ZNHIT6: variants seen among roughly 807,000 people sequenced by gnomAD.
ZNHIT6 encodes zinc finger HIT-type containing 6, also known as box C/D snoRNA protein 1.
Under a neutral mutation model 57.2 loss-of-function variants are expected in ZNHIT6, and 45 were observed. That is an observed-to-expected ratio of 0.79 (90% CI 0.62 to 1.01). The LOEUF (loss-of-function observed/expected upper bound fraction) is 1.01. Among genes scored for constraint, ZNHIT6 ranks in the 50% least tolerant of loss-of-function variants. ZNHIT6 has a pLI of 0.00. For missense variants in ZNHIT6, 528 were observed against 567.3 expected, an observed-to-expected ratio of 0.93 and a Z score of 0.70; for synonymous variants, 188 against 190.0, an observed-to-expected ratio of 0.99 and a Z score of 0.09.
chr1:85,663,675 G>C (rs893322883), intron 8 of ZNHIT6, among the ~76,000 whole-genome samples: 5 of 152,180 alleles, frequency 3.3e-5, no homozygotes, highest in African/African-American at 1.2e-4. Context: ...ACACTGGCTA[G>C]TAATGGTTTT....
chr1:85,703,725 T>C (rs1028683179), intron 4 of ZNHIT6, among the ~76,000 whole-genome samples: 1 of 152,194 alleles, frequency 6.6e-6, no homozygotes, highest in African/African-American at 2.4e-5. Flanking sequence ...AAGGTAGAGA[T>C]GGATTTCTTT....
intron 6 of ZNHIT6, among the ~76,000 whole-genome samples, chr1:85,679,829 T>A (rs554975582): frequency 1.3e-5 from 2 of 152,178 alleles, no homozygotes; most frequent in East Asian, 3.9e-4. Context: ...AGGCAATCCA[T>A]CCGCCTCGAC....
Position 85,653,981 on chromosome 1 carries a change from A to T in ZNHIT6, c.*77T>A. 1 of 1,244,276 alleles carries T rather than the reference A, an allele frequency of 8.0e-7. No individual in the cohort carries two copies. The allele number at this position is 1,244,276 out of a possible 1,614,324, so 77.1% of individuals were successfully genotyped here. A position where few individuals can be genotyped will look rare whatever the true frequency, so the allele number is the denominator to read the frequency against. ...CCAATCACCCATTGACAATACCCCAATCAGCCAACAGCCCATCAATGCAGA... is the reference window on the plus strand; with the variant it reads ...CCAATCACCCATTGACAATACCCCATTCAGCCAACAGCCCATCAATGCAGA... On this transcript the variant is annotated 3_prime_UTR_variant, in exon 10 of 10. Transcript: ENST00000370574.
chr1:85,672,470 T>C (rs879762243), intron 8 of ZNHIT6, among the ~76,000 whole-genome samples: 3 of 152,270 alleles, frequency 2.0e-5, no homozygotes, highest in South Asian at 2.1e-4. Context: ...GTTTATGACA[T>C]ACCATGCCCT....
chr1:85,706,523 TG>T lies in ZNHIT6; in HGVS notation c.657-17del. On this transcript the variant is annotated splice_polypyrimidine_tract_variant and intron_variant, in intron 1 of 9. Transcript: ENST00000370574. ...AGTCTCACACCTACAAAAGCCCACA[TG>T]TAACATTAAATTATCAAATATTAAT... 1 of 1,532,692 alleles carries T rather than the reference TG, an allele frequency of 6.5e-7. No homozygotes were observed. Among genetic ancestry groups the T allele is most frequent in the South Asian group, 1.3e-5 (1 of 75,226 alleles). 94.9% of individuals were successfully genotyped at this position (1,532,692 alleles called of 1,614,324 possible).
chr1:85,662,217 C>A (rs1005835651), intron 8 of ZNHIT6, among the ~76,000 whole-genome samples: 2 of 149,830 alleles, frequency 1.3e-5, no homozygotes, highest in African/African-American at 4.9e-5. Flanking sequence ...AACGAAATCA[C>A]AAACCACTTT....
At chr1:85,694,057 A>C (rs1466023555) in intron 5 of ZNHIT6, among the ~76,000 whole-genome samples, 1 of 152,206 alleles carries the variant, frequency 6.6e-6, no homozygotes, top group Non-Finnish European at 1.5e-5. Flanking sequence ...GTACAGGGGG[A>C]AAAAAGGACA....
intron 5 of ZNHIT6, among the ~76,000 whole-genome samples, chr1:85,689,644 A>C (rs969429051): frequency 2.6e-5 from 4 of 152,206 alleles, no homozygotes; most frequent in African/African-American, 7.2e-5. Context: ...TGAAGACGGA[A>C]ATGAAATGAA....
chr1:85,694,195 C>T (rs1020111363), intron 5 of ZNHIT6, among the ~76,000 whole-genome samples: 33 of 152,240 alleles, frequency 2.2e-4, no homozygotes, highest in South Asian at 1.7e-3. Context: ...AATGTACATA[C>T]TTAAGATTTG....
intron 5 of ZNHIT6, among the ~76,000 whole-genome samples, chr1:85,694,910 T>G (rs1031379656): frequency 2.0e-5 from 3 of 152,142 alleles, no homozygotes; most frequent in African/African-American, 7.2e-5. Context: ...TGGTAATGTT[T>G]TTGATCTTGG....
At chr1:85,677,618 T>G (rs1661742159) in intron 7 of ZNHIT6, among the ~76,000 whole-genome samples, 1 of 152,226 alleles carries the variant, frequency 6.6e-6, no homozygotes, top group Admixed American at 6.5e-5. Flanking sequence ...CTAATGATAA[T>G]AACTAGGTTA....
At chr1:85,674,511 AAT>A (rs1408590833) in intron 8 of ZNHIT6, among the ~76,000 whole-genome samples, 1 of 152,108 alleles carries the variant, frequency 6.6e-6, no homozygotes, top group Non-Finnish European at 1.5e-5. Context: ...TTACTTTATT[AAT>A]CTACTATTCC....
intron 9 of ZNHIT6, 41 bp from the exon 10 acceptor site, chr1:85,654,139 T>G (rs945223647): frequency 6.3e-7 from 1 of 1,584,046 alleles, no homozygotes; most frequent in African/African-American, 1.4e-5. Context: ...GTGTTTATAT[T>G]TTTCTGTTTA....
rs367741916 is a variant in ZNHIT6, at chr1:85,657,841, A to G, written c.1372+6T>C. On this transcript the variant is annotated splice_donor_region_variant and intron_variant, in intron 9 of 9. Coordinates refer to ENST00000370574, the MANE Select transcript of ZNHIT6 (RefSeq NM_017953.4). ...CTAAGCATTACAGAAACAAATTTACACTTACCTTGGTGAAGAACTTTCATG... is the reference window on the plus strand; with the variant it reads ...CTAAGCATTACAGAAACAAATTTACGCTTACCTTGGTGAAGAACTTTCATG... The G allele has an allele frequency of 5.1e-4, 827 of 1,606,028 alleles. 2 individuals are homozygous for G. The highest frequency in any genetic ancestry group is 6.5e-4 in the Non-Finnish European group (763 of 1,177,456).
rs1660899464 is a variant in ZNHIT6 at position 85,651,265 on chromosome 1, C to G, written c.*2793G>C. ...TTTTTTTTTGAGGCAGAGTCTCATTCTGTCACCCAGGCAGTGCCCAGGAAT... is the reference window on the plus strand; with the variant it reads ...TTTTTTTTTGAGGCAGAGTCTCATTGTGTCACCCAGGCAGTGCCCAGGAAT... On this transcript the variant is annotated 3_prime_UTR_variant, in exon 10 of 10. Coordinates refer to ENST00000370574, the MANE Select transcript of ZNHIT6 (RefSeq NM_017953.4). 6.6e-6 allele frequency: 1 copy of G among 151,218 alleles called. No homozygotes were observed. The highest frequency in any genetic ancestry group is 1.5e-5 in the Non-Finnish European group (1 of 67,886). The allele number at this position is 151,218 out of a possible 1,614,324, so 9.4% of individuals were successfully genotyped here. A position where few individuals can be genotyped will look rare whatever the true frequency, so the allele number is the denominator to read the frequency against.
intron 1 of ZNHIT6, among the ~76,000 whole-genome samples, chr1:85,706,766 A>G (rs1662696723): frequency 1.3e-5 from 2 of 152,228 alleles, no homozygotes; most frequent in Non-Finnish European, 1.5e-5. Context: ...TTTTTCTACT[A>G]TAATCAGGGA....
intron 9 of ZNHIT6, among the ~76,000 whole-genome samples, chr1:85,657,519 G>A (rs998888507): frequency 6.8e-6 from 1 of 146,932 alleles, no homozygotes; most frequent in Non-Finnish European, 1.5e-5. Context: ...TGGAGTAAAT[G>A]TACGTGATCA....
intron 9 of ZNHIT6, among the ~76,000 whole-genome samples, 179 bp from the exon 10 acceptor site, chr1:85,654,277 T>C (rs191024282): frequency 6.6e-6 from 1 of 152,230 alleles, no homozygotes; most frequent in East Asian, 1.9e-4. Flanking sequence ...AATAGAGAAA[T>C]GATGTCTGAA....
intron 6 of ZNHIT6, among the ~76,000 whole-genome samples, chr1:85,679,246 T>A (rs1661793595): frequency 6.6e-6 from 1 of 152,234 alleles, no homozygotes; most frequent in African/African-American, 2.4e-5. Flanking sequence ...TTTCCAACTT[T>A]CTTCCATATA....
Sources: gnomAD v4.1 joint callset for allele counts (sites outside exome capture counted in the v4.1 genomes callset) on GRCh38, gnomAD v4.1.1 for gene constraint, MANE v1.5 for transcripts, NCBI Gene and HGNC (gene_info 2026-07-23, HGNC 2026-07-21) for gene names.